The following ENAM variants were observed in gnomAD, a reference collection of about 807,000 sequenced individuals.
The protein encoded by ENAM is amelogenesis imperfecta 2, hypocalcification (autosomal dominant).
A neutral mutation model predicts 33.6 loss-of-function variants in ENAM; 21 were observed. That is an observed-to-expected ratio of 0.63 (90% CI 0.44 to 0.90). ENAM has a LOEUF of 0.90. ENAM is among the 40% of genes least tolerant of loss of function. The probability of loss-of-function intolerance (pLI) is 0.00; values close to 1 mark genes in which losing one functional copy is unlikely to be tolerated. For synonymous variants in ENAM, 473 were observed against 468.4 expected, an observed-to-expected ratio of 1.01 and a Z score of -0.13; for missense variants, 1,388 against 1,366.9, an observed-to-expected ratio of 1.02 and a Z score of -0.24.
chr4:70,643,699 C>T lies in ENAM; in HGVS notation c.2273C>T (p.Thr758Ile), dbSNP rs1577973463. 1.2e-6 allele frequency: 2 copies of T among 1,614,164 alleles called. No homozygotes were observed. The highest frequency in any genetic ancestry group is 2.2e-5 in the East Asian group (1 of 44,882). The change falls in exon 9 of 9, where the codon ACT becomes ATT. Residue 758 changes from threonine (T) to isoleucine (I), a missense_variant. Physicochemically the swap from Thr to Ile is moderately conservative, Grantham distance 89. Coordinates refer to ENST00000396073, the MANE Select transcript of ENAM (RefSeq NM_031889.3). ...VNNAAGPEES[T>I]LFPSRNSWDH... The stretch of plus-strand genomic sequence containing the variant: ...AATGCCGCTGGACCAGAAGAAAGCA[C>T]TCTATTTCCTTCACGGAATTCCTGG...
In ENAM at chr4:70,643,660, G is replaced by A. The variant is rs1430618746; in HGVS notation, c.2234G>A (p.Gly745Asp). ...ATGCCACCACCTATAGAGAGCAGGG[G>A]CTACTACGTTAATAATGCCGCTGGA... ...STMPPPIESRGYYVNNAAGPE... is the reference protein window; with the variant it reads ...STMPPPIESRDYYVNNAAGPE... Residue 745 changes from glycine to aspartate, a missense_variant, in exon 9 of 9, where the codon GGC (glycine) becomes GAC (aspartate). By Grantham distance (94) the Gly-to-Asp change is moderately conservative. Coordinates refer to ENST00000396073, the MANE Select transcript of ENAM (RefSeq NM_031889.3). 1.9e-6 allele frequency: 3 copies of A among 1,614,084 alleles called. No individual in the cohort carries two copies. The highest frequency in any genetic ancestry group is 2.5e-6 in the Non-Finnish European group (3 of 1,179,988).
Position 70,644,604 on chromosome 4 carries a change from TC to T in ENAM, c.3180del (p.Lys1061AsnfsTer2), listed in dbSNP as rs1268995246. The T allele has an allele frequency of 6.2e-7, 1 of 1,613,008 alleles. No homozygotes were observed. The highest frequency in any genetic ancestry group is 1.3e-5 in the African/African-American group (1 of 74,866). On this transcript the variant is annotated frameshift_variant, in exon 9 of 9. Transcript: ENST00000396073. LOFTEE classifies it high-confidence loss of function. ...CATTCTGCATTTGCCATGCTTTGGC[TC>T]CAAATTAGCAAAGCATCACTCTTCC... ...SNILHLPCFGSKLAKHHSSTT... is the reference protein window; with the variant it reads ...SNILHLPCFGXKLAKHHSSTT...
chr4:70,645,008 C>A lies in ENAM; in HGVS notation c.*153C>A. On this transcript the variant is annotated 3_prime_UTR_variant, in exon 9 of 9. Coordinates refer to ENST00000396073, the MANE Select transcript of ENAM (RefSeq NM_031889.3). ...CCTCTCAGCAATAGGAGTAGCGACC[C>A]AGGTGGAGCTGAGATTAGGCCTCTG... 1.5e-6 allele frequency: 1 copy of A among 685,096 alleles called. No homozygotes were observed. Among genetic ancestry groups the A allele is most frequent in the Non-Finnish European group, 2.6e-6 (1 of 381,770 alleles). 42.4% of individuals were successfully genotyped at this position (685,096 alleles called of 1,614,324 possible). A position where few individuals can be genotyped will look rare whatever the true frequency, so the allele number is the denominator to read the frequency against.
chr4:70,636,750 C>T (rs938263525), intron 7 of ENAM, among the ~76,000 whole-genome samples: 9 of 148,430 alleles, frequency 6.1e-5, no homozygotes, highest in Non-Finnish European at 1.3e-4. Context: ...GCCTAGGTGA[C>T]AGAGCGAGAC....
chr4:70,642,439 G>A lies in ENAM; in HGVS notation c.1013G>A (p.Gly338Asp). 2 of 1,613,990 alleles carry A rather than the reference G, an allele frequency of 1.2e-6. No individual in the cohort carries two copies. Among genetic ancestry groups the A allele is most frequent in the Non-Finnish European group, 1.7e-6 (2 of 1,179,932 alleles). Residue 338 changes from glycine (G) to aspartate (D), a missense_variant, in exon 9 of 9, where the codon GGT (glycine) becomes GAT (aspartate). Physicochemically the swap from Gly to Asp is moderately conservative, Grantham distance 94. Transcript: ENST00000396073. Reference sequence around the variant, plus strand: ...TCAGGAAGACAGTGGTATTTCACTGGTACTGTCATGGGGCACAGACAGAAT... The same window carrying A: ...TCAGGAAGACAGTGGTATTTCACTGATACTGTCATGGGGCACAGACAGAAT... ...FPSGRQWYFT[G>D]TVMGHRQNRP...
chr4:70,630,859 A>G (rs948717889), intron 2 of ENAM, among the ~76,000 whole-genome samples: 3 of 151,758 alleles, frequency 2.0e-5, no homozygotes, highest in Non-Finnish European at 4.4e-5. Context: ...CTCCTGCCTC[A>G]GCCTCCCAAG....
intron 5 of ENAM, 71 bp from the exon 6 acceptor site, chr4:70,634,237 G>A: frequency 6.7e-7 from 1 of 1,485,180 alleles, no homozygotes; most frequent in South Asian, 1.1e-5. Context: ...TTTAGAGGCT[G>A]ACATTAGAGG....
rs776803285 is a variant in ENAM at position 70,632,658 on chromosome 4, G to A, written c.176G>A (p.Arg59Gln). Residue 59 changes from arginine (R) to glutamine (Q), a missense_variant, in exon 5 of 9, where the codon CGG (arginine) becomes CAG (glutamine). By Grantham distance (43) the Arg-to-Gln change is conservative. Coordinates refer to ENST00000396073, the MANE Select transcript of ENAM (RefSeq NM_031889.3). ...GFSSKSEEMM[R>Q]YNQFNFMNGP... ...GGATTCCTTTGGTTGCAGATGATGC[G>A]GTATAATCAATTCAACTTTATGAAC... 9 of 1,600,998 alleles carry A rather than the reference G, an allele frequency of 5.6e-6. No homozygotes were observed. Among genetic ancestry groups the A allele is most frequent in the Admixed American group, 3.3e-5 (2 of 59,942 alleles).
chr4:70,644,913 G>A lies in ENAM; in HGVS notation c.*58G>A. ...GAAATCACTGACATTCTATACCAAT[G>A]GTTCCCAAAATTTTTTCCCCAAGAC... On this transcript the variant is annotated 3_prime_UTR_variant, in exon 9 of 9. Coordinates refer to ENST00000396073, the MANE Select transcript of ENAM (RefSeq NM_031889.3). 3 of 1,495,644 alleles carry A rather than the reference G, an allele frequency of 2.0e-6. No individual in the cohort carries two copies. The highest frequency in any genetic ancestry group is 2.8e-6 in the Non-Finnish European group (3 of 1,075,102). 92.6% of individuals were successfully genotyped at this position (1,495,644 alleles called of 1,614,324 possible).
Position 70,645,232 on chromosome 4 carries a change from T to C in ENAM, c.*377T>C. On this transcript the variant is annotated 3_prime_UTR_variant, in exon 9 of 9. Coordinates refer to ENST00000396073, the MANE Select transcript of ENAM (RefSeq NM_031889.3). Reference sequence around the variant, plus strand: ...TGAAAGGCAGATTAACTTTCCATTCTACTTATGGAGATCCACACATCAGTA... The same window carrying C: ...TGAAAGGCAGATTAACTTTCCATTCCACTTATGGAGATCCACACATCAGTA... The C allele has an allele frequency of 6.4e-6, 2 of 310,586 alleles. No homozygotes were observed. Among genetic ancestry groups the C allele is most frequent in the Non-Finnish European group, 6.0e-6 (1 of 166,234 alleles). 19.2% of individuals were successfully genotyped at this position (310,586 alleles called of 1,614,324 possible). A position where few individuals can be genotyped will look rare whatever the true frequency, so the allele number is the denominator to read the frequency against.
chr4:70,637,134 G>A (rs1223652600), intron 7 of ENAM, among the ~76,000 whole-genome samples: 1 of 152,124 alleles, frequency 6.6e-6, no homozygotes, highest in African/African-American at 2.4e-5. Flanking sequence ...CTGAACTAAG[G>A]AAATTAAGGC....
At chr4:70,634,618 T>C (rs1379745485) in intron 6 of ENAM, 50 bp downstream of exon 6, 1 of 1,582,872 alleles carries the variant, frequency 6.3e-7, no homozygotes. Flanking sequence ...CTCGGAGAGA[T>C]TTGGAGGGCC....
intron 7 of ENAM, among the ~76,000 whole-genome samples, chr4:70,636,108 C>T: frequency 6.6e-6 from 1 of 152,050 alleles, no homozygotes; most frequent in East Asian, 1.9e-4. Context: ...CAACCTAAAT[C>T]ACCAAACAGA....
At position 70,644,751 on chromosome 4, in the gene ENAM, A is replaced by C. The variant is rs368819075; in HGVS notation, c.3325A>C (p.Asn1109His). The C allele has an allele frequency of 1.5e-5, 25 of 1,613,946 alleles. No homozygotes were observed. In the African/African-American group the frequency reaches 3.3e-4, roughly 22 times the overall value. Residue 1109 changes from asparagine to histidine, a missense_variant, in exon 9 of 9, where the codon AAT becomes CAT. Coordinates refer to ENST00000396073, the MANE Select transcript of ENAM (RefSeq NM_031889.3). ...TACTGAGGAACAATTTAAGAGTATA[A>C]ATGTAGACCCACTTGATGCAGATGA... Reference protein sequence around the residue: ...LATEEQFKSINVDPLDADEHS... With the variant: ...LATEEQFKSIHVDPLDADEHS...
In ENAM at chr4:70,643,624, C is replaced by T. The variant is rs898872462; in HGVS notation, c.2198C>T (p.Thr733Ile). The stretch of plus-strand genomic sequence containing the variant: ...GATGAGAATTTTCCATCATATAATA[C>T]AGCTTCTACTATGCCACCACCTATA... Reference protein sequence around the residue: ...SPDENFPSYNTASTMPPPIES... With the variant: ...SPDENFPSYNIASTMPPPIES... The change falls in exon 9 of 9, where the codon ACA becomes ATA. Residue 733 changes from threonine (T) to isoleucine (I), a missense_variant. By Grantham distance (89) the Thr-to-Ile change is moderately conservative. Coordinates refer to ENST00000396073, the MANE Select transcript of ENAM (RefSeq NM_031889.3). 3 of 1,613,994 alleles carry T rather than the reference C, an allele frequency of 1.9e-6. No homozygotes were observed. Among genetic ancestry groups the T allele is most frequent in the African/African-American group, 2.7e-5 (2 of 74,918 alleles).
rs764032797 is a variant in ENAM, at chr4:70,643,759, G to A, written c.2333G>A (p.Arg778Lys). The A allele has an allele frequency of 5.6e-6, 9 of 1,614,164 alleles. No homozygotes were observed. The highest frequency in any genetic ancestry group is 3.3e-4 in the Middle Eastern group (2 of 6,062). The change falls in exon 9 of 9, where the codon AGA (arginine) becomes AAA (lysine). Residue 778 changes from arginine (R) to lysine (K), a missense_variant. Transcript: ENST00000396073. Reference protein sequence around the residue: ...HRIQAQGQRERRPYFNRNIWD... With the variant: ...HRIQAQGQREKRPYFNRNIWD... ...ATACAAGCCCAAGGGCAGAGAGAAA[G>A]AAGGCCGTATTTTAACAGAAATATC... is the stretch of plus-strand genomic sequence containing the variant.
chr4:70,633,798 G>A (rs1376597671), intron 5 of ENAM, among the ~76,000 whole-genome samples: 1 of 152,136 alleles, frequency 6.6e-6, no homozygotes, highest in Non-Finnish European at 1.5e-5. Context: ...GGATCCACCT[G>A]TAACCAAGAA....
chr4:70,634,331 T>G lies in ENAM; in HGVS notation c.234T>G (p.Phe78Leu). Residue 78 changes from phenylalanine (F) to leucine (L), a missense_variant, in exon 6 of 9, where the codon TTT (phenylalanine) becomes TTG (leucine). Coordinates refer to ENST00000396073, the MANE Select transcript of ENAM (RefSeq NM_031889.3). Reference sequence around the variant, plus strand: ...AGATGGCACACCTGGGGCCCTTCTTTGGAAACGGTCTCCCTCAGCAATTTC... The same window carrying G: ...AGATGGCACACCTGGGGCCCTTCTTGGGAAACGGTCTCCCTCAGCAATTTC... The part of the protein sequence containing the change: ...GPHMAHLGPF[F>L]GNGLPQQFPQ... 6.2e-7 allele frequency: 1 copy of G among 1,614,152 alleles called. No homozygotes were observed. Among genetic ancestry groups the G allele is most frequent in the Non-Finnish European group, 8.5e-7 (1 of 1,179,992 alleles).
rs760029562 is a variant in ENAM, at chr4:70,629,497, A to G, written c.-4A>G. On this transcript the variant is annotated 5_prime_UTR_variant, in exon 2 of 9. Transcript: ENST00000396073. ...AAAGGCTTATAAAAATTTTGCTGAAAAAAATGTTGGTGCTTCGGTGCAGGC... is the reference window on the plus strand; with the variant it reads ...AAAGGCTTATAAAAATTTTGCTGAAGAAAATGTTGGTGCTTCGGTGCAGGC... The G allele has an allele frequency of 1.9e-6, 3 of 1,612,874 alleles. No homozygotes were observed. The highest frequency in any genetic ancestry group is 2.5e-6 in the Non-Finnish European group (3 of 1,178,952).
Sources: allele counts gnomAD v4.1 joint callset (sites outside exome capture counted in the v4.1 genomes callset), GRCh38; gene constraint gnomAD v4.1.1; transcripts MANE v1.5; gene names NCBI Gene and HGNC (gene_info 2026-07-23, HGNC 2026-07-21).